The following LAMA2 variants were observed in gnomAD, a reference collection of about 807,000 sequenced individuals.
LAMA2 encodes laminin subunit alpha-2.
A neutral mutation model predicts 364.8 loss-of-function variants in LAMA2; 269 were observed. The ratio of observed to expected loss-of-function variants is 0.74; its 90% CI spans 0.67 to 0.82. LAMA2 has a LOEUF of 0.82. Among genes scored for constraint, LAMA2 ranks in the 40% least tolerant of loss-of-function variants. LAMA2 has a pLI of 0.00. For synonymous variants in LAMA2, 1,379 were observed against 1,370.6 expected (o/e 1.01, Z -0.14); for missense variants, 3,807 against 3,873.2 (o/e 0.98, Z 0.45).
chr6:129,512,281 A>G, intron 62 of LAMA2, 82 bp from the exon 63 acceptor site: 2 of 1,334,996 alleles, frequency 1.5e-6, no homozygotes, highest in Middle Eastern at 1.8e-4. Flanking sequence ...TTGAAATATA[A>G]TAAAAAGTCA....
chr6:129,362,446 T>C (rs2114611853), intron 32 of LAMA2, among the ~76,000 whole-genome samples: 1 of 152,236 alleles, frequency 6.6e-6, no homozygotes, highest in Non-Finnish European at 1.5e-5. Flanking sequence ...TCTCCTAACA[T>C]TCTACCTCCC....
intron 1 of LAMA2, among the ~76,000 whole-genome samples, chr6:128,920,334 T>C (rs1365188248): frequency 1.3e-5 from 2 of 152,036 alleles, no homozygotes; most frequent in African/African-American, 4.8e-5. Flanking sequence ...ATTTTTGTAT[T>C]TTTAGTAGAG....
chr6:129,195,086 C>T (rs986699953), intron 12 of LAMA2, among the ~76,000 whole-genome samples: 1 of 152,114 alleles, frequency 6.6e-6, no homozygotes, highest in Non-Finnish European at 1.5e-5. Flanking sequence ...GTACATAATC[C>T]TTCCTCTGCT....
intron 29 of LAMA2, among the ~76,000 whole-genome samples, chr6:129,329,916 G>A (rs1775531048): frequency 1.3e-5 from 2 of 152,112 alleles, no homozygotes; most frequent in African/African-American, 4.8e-5. Flanking sequence ...TGGTATTACT[G>A]TACTGCCTGA....
At chr6:128,893,949 T>C (rs532861350) in intron 1 of LAMA2, among the ~76,000 whole-genome samples, 1 of 152,206 alleles carries the variant, frequency 6.6e-6, no homozygotes, top group South Asian at 2.1e-4. Flanking sequence ...CATGTTATTT[T>C]AGTTTAAATT....
intron 40 of LAMA2, among the ~76,000 whole-genome samples, chr6:129,413,716 C>T (rs1417821960): frequency 6.6e-6 from 1 of 151,974 alleles, no homozygotes; most frequent in Non-Finnish European, 1.5e-5. Context: ...TATTTAATAA[C>T]AGAATGGAAA....
At chr6:129,313,808 A>C (rs1282038121) in intron 23 of LAMA2, among the ~76,000 whole-genome samples, 2 of 152,220 alleles carry the variant, frequency 1.3e-5, no homozygotes, top group Non-Finnish European at 2.9e-5. Flanking sequence ...GTGGTTGTTA[A>C]AATGGCCTTG....
intron 27 of LAMA2, 148 bp from the exon 28 acceptor site, chr6:129,320,390 T>C: frequency 2.9e-6 from 2 of 682,568 alleles, no homozygotes; most frequent in South Asian, 3.0e-5. Context: ...TATGTACAAT[T>C]ATTATTTGTC....
intron 1 of LAMA2, among the ~76,000 whole-genome samples, chr6:128,937,213 C>A (rs1779879253): frequency 6.6e-6 from 1 of 152,122 alleles, no homozygotes; most frequent in Admixed American, 6.6e-5. Context: ...AAGGATAAAT[C>A]CCTCTTAATC....
At chr6:128,937,492 T>C (rs1254978765) in intron 1 of LAMA2, among the ~76,000 whole-genome samples, 1 of 152,114 alleles carries the variant, frequency 6.6e-6, no homozygotes, top group Non-Finnish European at 1.5e-5. Flanking sequence ...TTACCCAAAT[T>C]TGTTCAGATT....
intron 45 of LAMA2, 23 bp from the exon 46 acceptor site, chr6:129,452,965 T>C: frequency 6.2e-7 from 1 of 1,608,390 alleles, no homozygotes; most frequent in Non-Finnish European, 8.5e-7. Flanking sequence ...CTCTTGGTTC[T>C]TTGTATCTTG....
At chr6:129,115,305 T>G (rs970124081) in intron 4 of LAMA2, among the ~76,000 whole-genome samples, 1 of 152,122 alleles carries the variant, frequency 6.6e-6, no homozygotes, top group African/African-American at 2.4e-5. Flanking sequence ...TACAAATTGG[T>G]GTTTCCACTT....
At chr6:129,189,330 T>C (rs771649127) in intron 10 of LAMA2, among the ~76,000 whole-genome samples, 21 of 152,050 alleles carry the variant, frequency 1.4e-4, no homozygotes, top group Non-Finnish European at 2.9e-4. Flanking sequence ...TACAAATCTG[T>C]TTCCTGGAAA....
At chr6:129,104,894 G>C (rs1233896028) in intron 4 of LAMA2, among the ~76,000 whole-genome samples, 2 of 152,146 alleles carry the variant, frequency 1.3e-5, no homozygotes, top group Non-Finnish European at 2.9e-5. Flanking sequence ...AAAGGGAGAA[G>C]AGAAGCTTAT....
chr6:129,066,045 T>TTTTTTTTTTTTTTTC (rs1789292408), intron 3 of LAMA2, among the ~76,000 whole-genome samples: 1 of 81,972 alleles, frequency 1.2e-5, no homozygotes, highest in Non-Finnish European at 2.7e-5. Context: ...CAGGTTTTTT[T>TTTTTTTTTTTTTTTC]TTTTTTTTTT....
chr6:128,909,040 A>G (rs1470931320), intron 1 of LAMA2, among the ~76,000 whole-genome samples: 51 of 147,852 alleles, frequency 3.4e-4, no homozygotes, highest in Non-Finnish European at 7.0e-4. Context: ...TTTGCTGAGG[A>G]GAGCTTTACT....
At chr6:129,275,922 TTAA>T (rs1788291644) in intron 17 of LAMA2, among the ~76,000 whole-genome samples, 2 of 152,032 alleles carry the variant, frequency 1.3e-5, no homozygotes, top group Non-Finnish European at 2.9e-5. Flanking sequence ...TCAAGTCTAA[TTAA>T]GAAATGCAAT....
In LAMA2 at chr6:128,899,156, A is replaced by G. The variant is rs546149826; in HGVS notation, c.112+15799A>G. ...TAAATTTTGTTATAAAATGGCCTTCATCTCCAGAGCTGAGGAGATACATAA... is the reference window on the plus strand; with the variant it reads ...TAAATTTTGTTATAAAATGGCCTTCGTCTCCAGAGCTGAGGAGATACATAA... On this transcript the variant is annotated intron_variant, in intron 1 of 64. Transcript: ENST00000421865. Among the ~76,000 whole-genome samples, 5 of 152,316 alleles carry G rather than the reference A, an allele frequency of 3.3e-5. No homozygotes were observed. In the South Asian group the frequency reaches 1.0e-3, roughly 32 times the overall value.
chr6:129,421,902 G>C (rs535950412), intron 40 of LAMA2, among the ~76,000 whole-genome samples: 3 of 151,978 alleles, frequency 2.0e-5, no homozygotes, highest in East Asian at 3.9e-4. Flanking sequence ...CCAATTGATG[G>C]CTCCTTTTTT....
Sources: gnomAD v4.1 joint callset for allele counts (sites outside exome capture counted in the v4.1 genomes callset) on GRCh38, gnomAD v4.1.1 for gene constraint, MANE v1.5 for transcripts, NCBI Gene and HGNC (gene_info 2026-07-23, HGNC 2026-07-21) for gene names.